Variants in PIK3C2B observed in about 807,000 individuals in gnomAD.
PIK3C2B encodes phosphatidylinositol-4-phosphate 3-kinase catalytic subunit type 2 beta.
In PIK3C2B, 83 loss-of-function variants were observed where a neutral mutation model predicts 184.3. The ratio of observed to expected loss-of-function variants is 0.45; its 90% confidence interval spans 0.38 to 0.54. The LOEUF is 0.54. PIK3C2B is among the 20% of genes least tolerant of loss of function. PIK3C2B has a pLI of 0.00. For synonymous variants in PIK3C2B, 779 were observed against 837.6 expected, an observed-to-expected ratio of 0.93 and a Z score of 1.21; for missense variants, 1,736 against 2,113.5, an observed-to-expected ratio of 0.82 and a Z score of 3.50.
intron 23 of PIK3C2B, 48 bp downstream of exon 23, chr1:204,438,887 C>T (rs764015649): frequency 6.3e-7 from 1 of 1,581,646 alleles, no homozygotes; most frequent in Admixed American, 1.7e-5. Context: ...TGTGTGCCGG[C>T]ATCAGGCACA....
At chr1:204,438,306 G>A (rs1301605786) in intron 23 of PIK3C2B, among the ~76,000 whole-genome samples, 1 of 152,118 alleles carries the variant, frequency 6.6e-6, no homozygotes, top group Non-Finnish European at 1.5e-5. Flanking sequence ...TGTGATGCTG[G>A]GAACAGGCCA....
At chr1:204,431,639 C>T (rs199571297) in intron 28 of PIK3C2B, 30 bp downstream of exon 28, 4 of 1,613,454 alleles carry the variant, frequency 2.5e-6, no homozygotes, top group Non-Finnish European at 3.4e-6. Context: ...CCCGACATCC[C>T]TCTGTGCAGA....
rs953424901 is a variant in PIK3C2B, at chr1:204,449,133, G to C, written c.2346+52C>G. On this transcript the variant is annotated intron_variant, in intron 14 of 32. Transcript: ENST00000684373. ...CAAATCTCCAGGAGAAAAATGTAGA[G>C]TTGACTGGAATGGTCTTGCTGGTGA... The C allele has an allele frequency of 4.7e-6, 6 of 1,269,968 alleles. No homozygotes were observed. The African/African-American group carries it at 8.8e-5, about 19-fold the overall frequency. 78.7% of individuals were successfully genotyped at this position (1,269,968 alleles called of 1,614,324 possible).
chr1:204,430,085 G>A (rs1254379031), intron 28 of PIK3C2B, 47 bp from the exon 29 acceptor site: 1 of 1,193,440 alleles, frequency 8.4e-7, no homozygotes, highest in Non-Finnish European at 1.2e-6. Flanking sequence ...TGAAGATGGG[G>A]AAAGAAAATG....
chr1:204,472,608 G>A (rs1332883882), intron 1 of PIK3C2B, among the ~76,000 whole-genome samples: 2 of 152,076 alleles, frequency 1.3e-5, no homozygotes, highest in African/African-American at 2.4e-5. Flanking sequence ...GTGAAACCTC[G>A]TTTCTACTAA....
At chr1:204,458,478 C>T (rs2103501272) in intron 8 of PIK3C2B, among the ~76,000 whole-genome samples, 1 of 151,916 alleles carries the variant, frequency 6.6e-6, no homozygotes, top group South Asian at 2.1e-4. Context: ...ACACAAGCTC[C>T]CCAAAGGCTA....
chr1:204,447,691 G>T lies in PIK3C2B; in HGVS notation c.2347-113C>A. The T allele has an allele frequency of 1.4e-6, 1 of 720,636 alleles. No individual in the cohort carries two copies. Among genetic ancestry groups the T allele is most frequent in the Non-Finnish European group, 2.3e-6 (1 of 427,948 alleles). The allele number at this position is 720,636 out of a possible 1,614,324, so 44.6% of individuals were successfully genotyped here. A position where few individuals can be genotyped will look rare whatever the true frequency, so the allele number is the denominator to read the frequency against. On this transcript the variant is annotated intron_variant, in intron 14 of 32. Transcript: ENST00000684373. The surrounding 1 kb of genome is among the most constrained non-coding windows in gnomAD (Gnocchi z 4.1). ...CTTGTCCCTCCCTCACTTTCCCTCA[G>T]GTTCTTTGTAAAATAGCCCTGTTAG... is the stretch of plus-strand genomic sequence containing the variant.
chr1:204,429,791 C>T (rs1674941086), intron 29 of PIK3C2B, 130 bp downstream of exon 29: 2 of 672,252 alleles, frequency 3.0e-6, no homozygotes, highest in Non-Finnish European at 5.4e-6. Context: ...GAGCATTGGT[C>T]ATTCAGCCCA....
intron 12 of PIK3C2B, among the ~76,000 whole-genome samples, chr1:204,452,738 TCGACC>T (rs1339732845): frequency 7.0e-6 from 1 of 141,912 alleles, no homozygotes; most frequent in Non-Finnish European, 1.5e-5. Flanking sequence ...CACTGCAGCC[TCGACC>T]TCCCAGGCTC....
rs375521608 is a variant in PIK3C2B at position 204,444,401 on chromosome 1, C to T, written c.2702G>A (p.Arg901His). Residue 901 changes from arginine (R) to histidine (H), a missense_variant, in exon 17 of 33, where the codon CGT (arginine) becomes CAT (histidine). Physicochemically the swap from Arg to His is conservative, Grantham distance 29 (BLOSUM62 0). This residue lies in a region of PIK3C2B where 289 missense variants were observed against 380.4 expected (regional missense o/e 0.76). Transcript: ENST00000684373. ...TGAGCCAATCCACTGCACAGCCATACGACGCACCTCCTGGTCCGGGAAGCT... is the reference window on the plus strand; with the variant it reads ...TGAGCCAATCCACTGCACAGCCATATGACGCACCTCCTGGTCCGGGAAGCT... ...HATFPDQEVRRMAVQWIGSLS... is the reference protein window; with the variant it reads ...HATFPDQEVRHMAVQWIGSLS... 33 of 1,613,674 alleles carry T rather than the reference C, an allele frequency of 2.0e-5. No individual in the cohort carries two copies. Among genetic ancestry groups the T allele is most frequent in the Middle Eastern group, 1.6e-4 (1 of 6,082 alleles).
chr1:204,468,037 C>T (rs968501640), intron 2 of PIK3C2B, among the ~76,000 whole-genome samples: 2 of 152,030 alleles, frequency 1.3e-5, no homozygotes, highest in Non-Finnish European at 2.9e-5. Context: ...CTAGATAGTT[C>T]GCTATTTTAC....
rs529432143 is a variant in PIK3C2B, at chr1:204,458,965, A to G, written c.1566+913T>C. On this transcript the variant is annotated intron_variant, in intron 8 of 32. Transcript: ENST00000684373. ...CTAGACATAATGCTGAACCCCTCAA[A>G]AAGGAAGCGTTTATGACTACTATTA... Among the ~76,000 whole-genome samples, 4 of 152,322 alleles carry G rather than the reference A, an allele frequency of 2.6e-5. No individual in the cohort carries two copies. In the South Asian group the frequency reaches 8.3e-4, roughly 32 times the overall value.
chr1:204,490,807 T>C (rs1197921733), intron 1 of PIK3C2B, among the ~76,000 whole-genome samples: 1 of 150,886 alleles, frequency 6.6e-6, no homozygotes, highest in Non-Finnish European at 1.5e-5. Context: ...CAAGTTTCAT[T>C]TTATAAAACA....
At chr1:204,491,967 C>A (rs1658042427) in intron 1 of PIK3C2B, among the ~76,000 whole-genome samples, 1 of 152,164 alleles carries the variant, frequency 6.6e-6, no homozygotes, top group African/African-American at 2.4e-5. Flanking sequence ...TCCCATCCTG[C>A]CAACACTATT....
At position 204,431,785 on chromosome 1, in the gene PIK3C2B, C is replaced by T. The variant is rs1675075929; in HGVS notation, c.4164G>A (p.Val1388=). The T allele has an allele frequency of 6.2e-7, 1 of 1,614,052 alleles. No individual in the cohort carries two copies. The highest frequency in any genetic ancestry group is 1.3e-5 in the African/African-American group (1 of 74,902). The change falls in exon 28 of 33, where the codon GTG becomes GTA. Residue 1388 remains valine (V), a synonymous_variant. Coordinates refer to ENST00000684373, the MANE Select transcript of PIK3C2B (RefSeq NM_001377334.1). ...GAGTGTTCTCTCGCATCACCTTTACCACATATATCTGCAAAGGTCCAGATC... is the reference window on the plus strand; with the variant it reads ...GAGTGTTCTCTCGCATCACCTTTACTACATATATCTGCAAAGGTCCAGATC... ...IFHPNKGYIY[V]VKVMRENTHE...
At chr1:204,478,493 T>C (rs894847302) in intron 1 of PIK3C2B, among the ~76,000 whole-genome samples, 1 of 152,230 alleles carries the variant, frequency 6.6e-6, no homozygotes, top group African/African-American at 2.4e-5. Context: ...ACCCACAGGT[T>C]GTATACAGCT....
chr1:204,464,433 C>A lies in PIK3C2B; in HGVS notation c.1189+17G>T, dbSNP rs1419537897. 18 of 1,608,584 alleles carry A rather than the reference C, an allele frequency of 1.1e-5. No individual in the cohort carries two copies. Among genetic ancestry groups the A allele is most frequent in the Non-Finnish European group, 1.5e-5 (18 of 1,176,180 alleles). Reference sequence around the variant, plus strand: ...CTTCAAGGGATGCTCACATCCTCTCCCCCCTCACTAACTTACAGTTGCAGG... The same window carrying A: ...CTTCAAGGGATGCTCACATCCTCTCACCCCTCACTAACTTACAGTTGCAGG... On this transcript the variant is annotated intron_variant, in intron 4 of 32. Coordinates refer to ENST00000684373, the MANE Select transcript of PIK3C2B (RefSeq NM_001377334.1).
At chr1:204,480,306 A>G (rs6594014) in intron 1 of PIK3C2B, among the ~76,000 whole-genome samples, 71,340 of 152,066 alleles carry the variant, frequency 0.47, 17,500 homozygotes, top group Admixed American at 0.53. Flanking sequence ...TCAGATGTCC[A>G]AAAGGTTCTC....
intron 12 of PIK3C2B, among the ~76,000 whole-genome samples, chr1:204,453,183 T>C (rs1197794850): frequency 1.3e-5 from 2 of 152,122 alleles, no homozygotes; most frequent in East Asian, 3.8e-4. Flanking sequence ...AGGACTCTAA[T>C]ATAGTCAGTG....
Sources: allele counts gnomAD v4.1 joint callset (sites outside exome capture counted in the v4.1 genomes callset), GRCh38; gene constraint gnomAD v4.1.1; regional missense constraint gnomAD v4.1.1; non-coding constraint Gnocchi (gnomAD v3.1); transcripts MANE v1.5; gene names NCBI Gene and HGNC (gene_info 2026-07-23, HGNC 2026-07-21).